Variants in ALDH4A1 observed in about 807,000 individuals in gnomAD.
ALDH4A1 encodes aldehyde dehydrogenase 4 family member A1, also known as delta-1-pyrroline-5-carboxylate dehydrogenase, mitochondrial.
In ALDH4A1, 46 loss-of-function variants were observed where a neutral mutation model predicts 70.5. The ratio of observed to expected loss-of-function variants is 0.65; its 90% CI spans 0.51 to 0.83. ALDH4A1 has a LOEUF of 0.83. Among genes scored for constraint, ALDH4A1 ranks in the 40% least tolerant of loss-of-function variants. The pLI, the probability that ALDH4A1 is intolerant of heterozygous loss-of-function variation, is 0.00. For missense variants in ALDH4A1, 749 were observed against 766.5 expected (o/e 0.98, Z 0.27); for synonymous variants, 323 against 324.3 (o/e 1.00, Z 0.04).
In ALDH4A1 at chr1:18,883,419, C is replaced by T. The variant is rs774464848; in HGVS notation, c.463G>A (p.Val155Met). ...GCAGCGTCAATCTCCGCTTGGATCA[C>T]GGTCTTACCCTGCAAGGCAGAGGGC... ...AKTMVGQGKT[V>M]IQAEIDAAAE... Residue 155 changes from valine to methionine, a missense_variant, in exon 6 of 15, where the codon GTG (valine) becomes ATG (methionine). Val to Met is a conservative substitution (Grantham distance 21). Coordinates refer to ENST00000375341, the MANE Select transcript of ALDH4A1 (RefSeq NM_003748.4). The T allele has an allele frequency of 1.2e-5, 20 of 1,613,274 alleles. No individual in the cohort carries two copies. Among genetic ancestry groups the T allele is most frequent in the Admixed American group, 5.0e-5 (3 of 60,004 alleles).
At chr1:18,879,200 T>C in intron 9 of ALDH4A1, 100 bp downstream of exon 9, 2 of 1,233,400 alleles carry the variant, frequency 1.6e-6, no homozygotes, top group Non-Finnish European at 2.3e-6. Context: ...TTCATCCACC[T>C]GACTTGTGGC....
At chr1:18,894,865 C>CTTTTTTTTT (rs34445898) in intron 1 of ALDH4A1, among the ~76,000 whole-genome samples, 65 of 109,940 alleles carry the variant, frequency 5.9e-4, no homozygotes, top group African/African-American at 8.0e-4. Context: ...TTCTTTCTTT[C>CTTTTTTTTT]TTTTTTTTTT....
intron 4 of ALDH4A1, 43 bp from the exon 5 acceptor site, chr1:18,885,671 G>A: frequency 1.2e-6 from 2 of 1,612,862 alleles, no homozygotes; most frequent in Non-Finnish European, 1.7e-6. Context: ...CCTGCAGCGG[G>A]AAAGGCCCTG....
chr1:18,886,751 C>A (rs1935220508), intron 3 of ALDH4A1, among the ~76,000 whole-genome samples: 1 of 152,166 alleles, frequency 6.6e-6, no homozygotes, highest in South Asian at 2.1e-4. Context: ...GCTCAGAGTC[C>A]AGGAGAAAGG....
At chr1:18,876,003 C>T (rs1468762502) in intron 12 of ALDH4A1, among the ~76,000 whole-genome samples, 1 of 152,214 alleles carries the variant, frequency 6.6e-6, no homozygotes, top group East Asian at 1.9e-4. Flanking sequence ...GCCAAGTGCT[C>T]AGCCACAGCT....
At chr1:18,884,364 G>T (rs776957144) in intron 5 of ALDH4A1, among the ~76,000 whole-genome samples, 40 of 152,130 alleles carry the variant, frequency 2.6e-4, no homozygotes, top group Non-Finnish European at 5.4e-4. Flanking sequence ...GCAAATGCCT[G>T]ATCCAGAAAG....
chr1:18,891,636 G>C (rs1308902480), intron 1 of ALDH4A1, among the ~76,000 whole-genome samples: 1 of 152,174 alleles, frequency 6.6e-6, no homozygotes, highest in Non-Finnish European at 1.5e-5. Flanking sequence ...TCAGAAAGTG[G>C]GGGTGAGGCT....
chr1:18,877,562 T>C lies in ALDH4A1; in HGVS notation c.991A>G (p.Ser331Gly). 6.3e-7 allele frequency: 1 copy of C among 1,596,844 alleles called. No individual in the cohort carries two copies. The highest frequency in any genetic ancestry group is 8.5e-7 in the Non-Finnish European group (1 of 1,170,974). The change falls in exon 10 of 15, where the codon AGC (serine) becomes GGC (glycine). Residue 331 changes from serine to glycine, a missense_variant. By Grantham distance (56) the Ser-to-Gly change is moderately conservative. Transcript: ENST00000375341. ...HFVHRSADVE[S>G]VVSGTLRSAF... ...GAGCGGAGGGTCCCGCTCACCACGC[T>C]CTCCACGTCGGCCGAGCGGTGCACG...
At position 18,890,008 on chromosome 1, in the gene ALDH4A1, T is replaced by C; in HGVS notation, c.156+4A>G. 1.2e-6 allele frequency: 2 copies of C among 1,603,052 alleles called. No homozygotes were observed. The highest frequency in any genetic ancestry group is 1.7e-6 in the Non-Finnish European group (2 of 1,174,388). ...CTCTCGGGTGCCTCCCACCCTCCCA[T>C]TACCTTTTGCAGGGCATCTCGCTCA... On this transcript the variant is annotated splice_donor_region_variant and intron_variant, in intron 2 of 14. Coordinates refer to ENST00000375341, the MANE Select transcript of ALDH4A1 (RefSeq NM_003748.4).
At chr1:18,887,513 G>A (rs1446914489) in intron 3 of ALDH4A1, among the ~76,000 whole-genome samples, 1 of 152,132 alleles carries the variant, frequency 6.6e-6, no homozygotes, top group Non-Finnish European at 1.5e-5. Flanking sequence ...GCAGGAGAAT[G>A]GCATGAACCT....
intron 3 of ALDH4A1, among the ~76,000 whole-genome samples, chr1:18,888,336 C>G (rs537177723): frequency 5.9e-5 from 9 of 152,340 alleles, no homozygotes; most frequent in African/African-American, 2.2e-4. Context: ...CCCCAGTGGA[C>G]TGCAGAACCC....
Position 18,872,347 on chromosome 1 carries a change from C to G in ALDH4A1, c.*498G>C, listed in dbSNP as rs1934475187. 6.4e-6 allele frequency: 1 copy of G among 155,068 alleles called. No individual in the cohort carries two copies. Among genetic ancestry groups the G allele is most frequent in the Admixed American group, 6.3e-5 (1 of 15,892 alleles). The allele number at this position is 155,068 out of a possible 1,614,324, so 9.6% of individuals were successfully genotyped here. On this transcript the variant is annotated 3_prime_UTR_variant, in exon 15 of 15. Transcript: ENST00000375341. The stretch of plus-strand genomic sequence containing the variant: ...GCAAAGATACAGTGAGGAAGGTAGA[C>G]AGCCCAGACCAGAGAGGGCAAGGCC...
At chr1:18,893,162 G>T (rs976213426) in intron 1 of ALDH4A1, among the ~76,000 whole-genome samples, 1 of 152,200 alleles carries the variant, frequency 6.6e-6, no homozygotes, top group Non-Finnish European at 1.5e-5. Context: ...GATGGGAAAA[G>T]CACAGGCCCC....
intron 1 of ALDH4A1, among the ~76,000 whole-genome samples, chr1:18,893,588 C>T (rs748206145): frequency 6.6e-6 from 1 of 152,080 alleles, no homozygotes; most frequent in Non-Finnish European, 1.5e-5. Flanking sequence ...CTGCAACCTC[C>T]GCCTCCCGAA....
rs530547178 is a variant in ALDH4A1 at position 18,887,413 on chromosome 1, C to T, written c.250-902G>A. ...AGGAGATCGAGACCATCCTGGCTAA[C>T]ATGGTGAAACCCTCTCTCTACTAAA... On this transcript the variant is annotated intron_variant, in intron 3 of 14. Coordinates refer to ENST00000375341, the MANE Select transcript of ALDH4A1 (RefSeq NM_003748.4). 3.3e-5 allele frequency among the ~76,000 whole-genome samples: 5 copies of T among 152,370 alleles called. No individual in the cohort carries two copies. In the South Asian group the frequency reaches 6.2e-4, roughly 19 times the overall value.
chr1:18,887,316 T>C (rs558895841), intron 3 of ALDH4A1, among the ~76,000 whole-genome samples: 1 of 152,366 alleles, frequency 6.6e-6, no homozygotes, highest in Admixed American at 6.5e-5. Context: ...AACTTCCCTG[T>C]TGGCCGGGCG....
In ALDH4A1 at chr1:18,888,510, A is replaced by G. The variant is rs138927340; in HGVS notation, c.249+852T>C. Among the ~76,000 whole-genome samples the G allele has an allele frequency of 2.0e-5, 3 of 152,348 alleles. No homozygotes were observed. In the East Asian group the frequency reaches 5.8e-4, roughly 29 times the overall value. On this transcript the variant is annotated intron_variant, in intron 3 of 14. Transcript: ENST00000375341. ...AGTATCCACCCAGGGGCTTATCAGA[A>G]TGCCGGAGCCTCGCTGCCTGGAAAA...
intron 4 of ALDH4A1, among the ~76,000 whole-genome samples, chr1:18,886,033 G>T (rs1432377872): frequency 6.6e-6 from 1 of 152,074 alleles, no homozygotes; most frequent in African/African-American, 2.4e-5. Context: ...GACCCCAACT[G>T]CCCTCATCGC....
In ALDH4A1 at chr1:18,874,592, G is replaced by C; in HGVS notation, c.1461-11C>G. 6.2e-7 allele frequency: 1 copy of C among 1,613,954 alleles called. No individual in the cohort carries two copies. The highest frequency in any genetic ancestry group is 1.1e-5 in the South Asian group (1 of 91,064). On this transcript the variant is annotated splice_polypyrimidine_tract_variant and intron_variant, in intron 13 of 14. Coordinates refer to ENST00000375341, the MANE Select transcript of ALDH4A1 (RefSeq NM_003748.4). ...TCCTGCACGACGTCCCTACAAAGCA[G>C]AGCAGTGGTGACAGAGCAACCAGCT...
Sources: gnomAD v4.1 joint callset for allele counts (sites outside exome capture counted in the v4.1 genomes callset) on GRCh38, gnomAD v4.1.1 for gene constraint, MANE v1.5 for transcripts, NCBI Gene and HGNC (gene_info 2026-07-23, HGNC 2026-07-21) for gene names.